Variants in DGCR2 observed in about 807,000 individuals in gnomAD.
The protein encoded by DGCR2 is integral membrane protein DGCR2/IDD.
DGCR2 carries 24 observed loss-of-function variants against 51.6 expected under a neutral mutation model. The ratio of observed to expected loss-of-function variants is 0.47; its 90% CI spans 0.34 to 0.65. The LOEUF is 0.65. Ranked by LOEUF, DGCR2 falls within the 30% of genes least tolerant of loss-of-function variation. The pLI is 0.01. For missense variants in DGCR2, 765 were observed against 772.1 expected, an observed-to-expected ratio of 0.99 and a Z score of 0.11; for synonymous variants, 340 against 315.4, an observed-to-expected ratio of 1.08 and a Z score of -0.82.
In DGCR2 at chr22:19,039,008, G is replaced by C; in HGVS notation, c.1510C>G (p.Leu504Val). 1.2e-6 allele frequency: 2 copies of C among 1,612,522 alleles called. No homozygotes were observed. Among genetic ancestry groups the C allele is most frequent in the Non-Finnish European group, 1.7e-6 (2 of 1,179,636 alleles). The change falls in exon 10 of 10, where the codon CTG becomes GTG. Residue 504 changes from leucine to valine, a missense_variant. This residue lies in a region of DGCR2 where 205 missense variants were observed against 181.4 expected (regional missense o/e 1.13). Coordinates refer to ENST00000263196, the MANE Select transcript of DGCR2 (RefSeq NM_005137.3). ...TCGGCAGAGTCTTCCAGGTCTGCCA[G>C]AGAGGCCCCCGCAGTGGGCAGAGGC... ...EQPLPTAGAS[L>V]ADLEDSADSS...
rs1361952374 is a variant in DGCR2, at chr22:19,122,164, G to A, written c.43C>T (p.Leu15=). ...GGCTCGGTGACAGTGAGCACGAGCA[G>A]GAAGAGCAGCAGGAAGGCGCCGCTG... ...ADSGAFLLLF[L]LVLTVTEPLR... is the part of the protein sequence containing the mutation. Residue 15 remains leucine, a synonymous_variant, in exon 1 of 10, where the codon CTG becomes TTG. Transcript: ENST00000263196. 1 of 1,513,052 alleles carries A rather than the reference G, an allele frequency of 6.6e-7. No individual in the cohort carries two copies. Among genetic ancestry groups the A allele is most frequent in the Non-Finnish European group, 8.8e-7 (1 of 1,130,524 alleles). 93.7% of individuals were successfully genotyped at this position (1,513,052 alleles called of 1,614,324 possible). A position where few individuals can be genotyped will look rare whatever the true frequency, so the allele number is the denominator to read the frequency against.
chr22:19,096,699 A>G (rs953825742), intron 1 of DGCR2, among the ~76,000 whole-genome samples: 4 of 152,160 alleles, frequency 2.6e-5, no homozygotes, highest in African/African-American at 7.2e-5. Context: ...ATAGAGATTT[A>G]GCAACAGAAC....
chr22:19,072,496 A>G (rs931650538), intron 2 of DGCR2, among the ~76,000 whole-genome samples: 1 of 152,208 alleles, frequency 6.6e-6, no homozygotes, highest in African/African-American at 2.4e-5. Context: ...ACAGAGACAA[A>G]AAGTTAAAAC....
chr22:19,054,255 C>T (rs1465542980), intron 6 of DGCR2, among the ~76,000 whole-genome samples: 3 of 152,304 alleles, frequency 2.0e-5, no homozygotes, highest in East Asian at 1.9e-4. Context: ...TTAAGGTCCA[C>T]AGTATCTTCA....
At chr22:19,048,123 G>C (rs1601509816) in intron 7 of DGCR2, 3 of 416,364 alleles carry the variant, frequency 7.2e-6, no homozygotes, top group African/African-American at 6.0e-5. Flanking sequence ...AACCCTGGAG[G>C]CGTAAGTTTG....
intron 2 of DGCR2, among the ~76,000 whole-genome samples, chr22:19,080,349 TTATC>T (rs540595809): frequency 2.0e-5 from 3 of 152,354 alleles, no homozygotes; most frequent in South Asian, 4.1e-4. Flanking sequence ...TTTTAATACT[TTATC>T]TAACCCAATA....
intron 2 of DGCR2, among the ~76,000 whole-genome samples, chr22:19,083,698 T>TCCCCCC (rs1569070479): frequency 1.3e-4 from 7 of 53,808 alleles, no homozygotes; most frequent in African/African-American, 3.8e-4. Flanking sequence ...CTCTCCCCCC[T>TCCCCCC]CCCCCTCCCC....
At chr22:19,070,111 C>A (rs1483149371) in intron 2 of DGCR2, among the ~76,000 whole-genome samples, 1 of 152,140 alleles carries the variant, frequency 6.6e-6, no homozygotes, top group East Asian at 1.9e-4. Context: ...TAGGACTGGT[C>A]CCATGTCCTA....
rs2083442131 is a variant in DGCR2, at chr22:19,122,195, C to T, written c.12G>A (p.Lys4=). The T allele has an allele frequency of 1.3e-6, 2 of 1,508,314 alleles. No individual in the cohort carries two copies. Among genetic ancestry groups the T allele is most frequent in the South Asian group, 1.2e-5 (1 of 80,324 alleles). 93.4% of individuals were successfully genotyped at this position (1,508,314 alleles called of 1,614,324 possible). A position where few individuals can be genotyped will look rare whatever the true frequency, so the allele number is the denominator to read the frequency against. ...GCAGCAGGAAGGCGCCGCTGTCTGC[C>T]TTGGGCACCATTTATCCTCCGTTCA... MVP[K]ADSGAFLLLF... is the part of the protein sequence containing the mutation. The change falls in exon 1 of 10, where the codon AAG becomes AAA. Residue 4 remains lysine (K), a synonymous_variant. Coordinates refer to ENST00000263196, the MANE Select transcript of DGCR2 (RefSeq NM_005137.3).
At chr22:19,081,932 C>T (rs1442096086) in intron 2 of DGCR2, among the ~76,000 whole-genome samples, 1 of 152,120 alleles carries the variant, frequency 6.6e-6, no homozygotes, top group Non-Finnish European at 1.5e-5. Flanking sequence ...CTACGAAATG[C>T]TTTATAGGAG....
chr22:19,098,467 C>T (rs113875166), intron 1 of DGCR2, among the ~76,000 whole-genome samples: 1,898 of 152,220 alleles, frequency 0.012, 24 homozygotes, highest in Non-Finnish European at 0.017. Context: ...TATGGGAATG[C>T]GTGGGCATAG....
chr22:19,072,716 T>C (rs921534985), intron 2 of DGCR2, among the ~76,000 whole-genome samples: 2 of 151,876 alleles, frequency 1.3e-5, no homozygotes, highest in African/African-American at 2.4e-5. Flanking sequence ...CTAATAAAAA[T>C]GCAAAAAATT....
chr22:19,063,239 G>C lies in DGCR2; in HGVS notation c.588C>G (p.Asn196Lys), dbSNP rs773231212. 8.7e-6 allele frequency: 14 copies of C among 1,614,226 alleles called. No individual in the cohort carries two copies. Among genetic ancestry groups the C allele is most frequent in the Admixed American group, 1.7e-5 (1 of 60,022 alleles). ...VGYQYVITGR[N>K]RSLEGRWEVA... ...CCTCCCAGCGACCTTCCAAGGAGCG[G>C]TTCCGGCCAGTGATAACATACTGAT... The change falls in exon 5 of 10, where the codon AAC (asparagine) becomes AAG (lysine). Residue 196 changes from asparagine to lysine, a missense_variant. This residue lies in a region of DGCR2 where 370 missense variants were observed against 325.5 expected (regional missense o/e 1.14). Coordinates refer to ENST00000263196, the MANE Select transcript of DGCR2 (RefSeq NM_005137.3).
intron 1 of DGCR2, among the ~76,000 whole-genome samples, chr22:19,110,475 G>A (rs558439745): frequency 1.2e-4 from 19 of 152,246 alleles, no homozygotes; most frequent in Admixed American, 6.5e-4. Context: ...TTGAAAAGGC[G>A]GGAGGAGAGC....
At chr22:19,089,547 T>C (rs1160214856) in intron 1 of DGCR2, 57 bp from the exon 2 acceptor site, 7 of 1,451,568 alleles carry the variant, frequency 4.8e-6, no homozygotes, top group East Asian at 2.6e-5. Context: ...CAGCAAACCA[T>C]AGCCCATGGG....
Position 19,075,460 on chromosome 22 carries a change from G to T in DGCR2, c.203-7235C>A, listed in dbSNP as rs558347542. ...AGACTCTGTCTCAAAAAAAAAAAAA[G>T]AGTGTACAGTTAAGTGGCATTATTA... On this transcript the variant is annotated intron_variant, in intron 2 of 9. Transcript: ENST00000263196. Among the ~76,000 whole-genome samples the T allele has an allele frequency of 1.3e-3, 188 of 146,952 alleles. 1 individual carries two copies. Among genetic ancestry groups the T allele is most frequent in the African/African-American group, 4.5e-3 (177 of 38,922 alleles).
intron 6 of DGCR2, among the ~76,000 whole-genome samples, chr22:19,049,360 C>T (rs1371763355): frequency 5.3e-5 from 8 of 152,074 alleles, no homozygotes; most frequent in Admixed American, 3.3e-4. Context: ...GGTAGGCAGA[C>T]GTTGCAAATG....
At chr22:19,092,003 G>A (rs983345643) in intron 1 of DGCR2, among the ~76,000 whole-genome samples, 3 of 151,960 alleles carry the variant, frequency 2.0e-5, no homozygotes, top group Admixed American at 2.0e-4. Flanking sequence ...TTTGAGATCA[G>A]TAATATTAAT....
At chr22:19,053,271 G>A (rs1298332025) in intron 6 of DGCR2, among the ~76,000 whole-genome samples, 1 of 152,134 alleles carries the variant, frequency 6.6e-6, no homozygotes, top group Non-Finnish European at 1.5e-5. Context: ...GATACAGTTA[G>A]AACATCAGAC....
Sources: allele counts gnomAD v4.1 joint callset (sites outside exome capture counted in the v4.1 genomes callset), GRCh38; gene constraint gnomAD v4.1.1; regional missense constraint gnomAD v4.1.1; transcripts MANE v1.5; gene names NCBI Gene and HGNC (gene_info 2026-07-23, HGNC 2026-07-21).